The following LMF2 variants were observed in gnomAD, a reference collection of about 807,000 sequenced individuals.
LMF2 encodes transmembrane protein 112B.
A neutral mutation model predicts 81.5 loss-of-function variants in LMF2; 113 were observed. The observed-to-expected ratio is 1.39, with a 90% CI of 1.19 to 1.62. The LOEUF is 1.62. LMF2 is among the 40% of genes most tolerant of loss of function. The pLI is 0.00. For synonymous variants in LMF2, 645 were observed against 424.5 expected (o/e 1.52, Z -6.39); for missense variants, 1,235 against 929.1 (o/e 1.33, Z -4.28).
intron 9 of LMF2, 35 bp from the exon 10 acceptor site, chr22:50,505,019 G>A (rs916888435): frequency 1.2e-6 from 2 of 1,612,094 alleles, no homozygotes; most frequent in Non-Finnish European, 1.7e-6. Flanking sequence ...GGGCTGCCCT[G>A]CCCCCAGCCC....
chr22:50,503,916 C>G lies in LMF2; in HGVS notation c.1719-12G>C. 1 of 1,603,362 alleles carries G rather than the reference C, an allele frequency of 6.2e-7. No individual in the cohort carries two copies. The highest frequency in any genetic ancestry group is 8.5e-7 in the Non-Finnish European group (1 of 1,178,930). ...GCCGCCACCACTGGCTGCAGCAGGA[C>G]CCGATGTTCAGAAGCTGGAGGCACC... On this transcript the variant is annotated splice_polypyrimidine_tract_variant and intron_variant, in intron 12 of 13. Coordinates refer to ENST00000474879, the MANE Select transcript of LMF2 (RefSeq NM_033200.3).
chr22:50,505,509 C>A lies in LMF2; in HGVS notation c.945G>T (p.Leu315=). 5.6e-6 allele frequency: 9 copies of A among 1,612,680 alleles called. No homozygotes were observed. The highest frequency in any genetic ancestry group is 6.8e-6 in the Non-Finnish European group (8 of 1,180,012). ...TSWPKALLAT[L]SLLLELAVYG... is the part of the protein sequence containing the mutation. ...AGACGGCTAGTTCCAGCAGCAGCGA[C>A]AGGGTGGCCAGCAGGGCCTTGGGCC... The change falls in exon 7 of 14, where the codon CTG becomes CTT. Residue 315 remains leucine (L), a synonymous_variant. Coordinates refer to ENST00000474879, the MANE Select transcript of LMF2 (RefSeq NM_033200.3).
intron 5 of LMF2, 60 bp from the exon 6 acceptor site, chr22:50,505,875 C>T: frequency 1.2e-6 from 2 of 1,601,142 alleles, no homozygotes; most frequent in Non-Finnish European, 1.7e-6. Context: ...TGGCAGGCAC[C>T]CACCTCCACC....
At chr22:50,503,764 G>A (rs572897380) in intron 13 of LMF2, 44 bp downstream of exon 13, 2 of 1,593,914 alleles carry the variant, frequency 1.3e-6, no homozygotes, top group South Asian at 1.1e-5. Flanking sequence ...GGGAGGCTGG[G>A]GTCACCCCTG....
At position 50,503,275 on chromosome 22, in the gene LMF2, C is replaced by G; in HGVS notation, c.*116G>C. ...GCAAACCCCAGGGGCAGCCCCCCAA[C>G]CTGTGCCTGGCCCTGCAGGGTCAGC... is the stretch of plus-strand genomic sequence containing the variant. On this transcript the variant is annotated 3_prime_UTR_variant, in exon 14 of 14. Transcript: ENST00000474879. 8.7e-7 allele frequency: 1 copy of G among 1,146,602 alleles called. No individual in the cohort carries two copies. The highest frequency in any genetic ancestry group is 1.2e-6 in the Non-Finnish European group (1 of 815,514). The allele number at this position is 1,146,602 out of a possible 1,614,324, so 71.0% of individuals were successfully genotyped here.
rs2068471350 is a variant in LMF2 at position 50,503,818 on chromosome 22, A to G, written c.1805T>C (p.Phe602Ser). The change falls in exon 13 of 14, where the codon TTT becomes TCT. Residue 602 changes from phenylalanine (F) to serine (S), a missense_variant. Transcript: ENST00000474879. ...CTGACACCCCCTTACCTGTAGTCCA[A>G]ACTGCCTGAGCAGCGTCTCCAGCGT... ...DPTLETLLRQ[F>S]GLQEKSPPRT... The G allele has an allele frequency of 1.2e-6, 2 of 1,605,326 alleles. No individual in the cohort carries two copies. Among genetic ancestry groups the G allele is most frequent in the Non-Finnish European group, 1.7e-6 (2 of 1,179,304 alleles).
At chr22:50,503,747 T>C in intron 13 of LMF2, 48 bp from the exon 14 acceptor site, 1 of 1,591,918 alleles carries the variant, frequency 6.3e-7, no homozygotes, top group Non-Finnish European at 8.5e-7. Context: ...CTTACTGGGT[T>C]TACCCCGGGA....
In LMF2 at chr22:50,504,710, G is replaced by A; in HGVS notation, c.1455C>T (p.Tyr485=). ...GHHWTEIEFM[Y]KPGNLSRPPP... ...GCGGCCGGCTCAGGTTCCCAGGCTTGTACATGAACTCGATCTCCTGCCAGG... is the reference window on the plus strand; with the variant it reads ...GCGGCCGGCTCAGGTTCCCAGGCTTATACATGAACTCGATCTCCTGCCAGG... Residue 485 remains tyrosine (Y), a synonymous_variant, in exon 11 of 14, where the codon TAC becomes TAT. Coordinates refer to ENST00000474879, the MANE Select transcript of LMF2 (RefSeq NM_033200.3). 1 of 1,610,066 alleles carries A rather than the reference G, an allele frequency of 6.2e-7. No individual in the cohort carries two copies. Among genetic ancestry groups the A allele is most frequent in the Non-Finnish European group, 8.5e-7 (1 of 1,179,412 alleles).
In LMF2 at chr22:50,504,397, G is replaced by A. The variant is rs1367384384; in HGVS notation, c.1661C>T (p.Pro554Leu). Reference protein sequence around the residue: ...VARYPFHKQPPTYVRAQRYKY... With the variant: ...VARYPFHKQPLTYVRAQRYKY... ...GTAGCGCTGGGCTCGGACGTAGGTG[G>A]GCGGCTGCTTGTGGAAGGGATACCT... Residue 554 changes from proline to leucine, a missense_variant, in exon 12 of 14, where the codon CCC (proline) becomes CTC (leucine). Coordinates refer to ENST00000474879, the MANE Select transcript of LMF2 (RefSeq NM_033200.3). The A allele has an allele frequency of 6.2e-7, 1 of 1,612,322 alleles. No homozygotes were observed. Among genetic ancestry groups the A allele is most frequent in the Non-Finnish European group, 8.5e-7 (1 of 1,179,728 alleles).
Position 50,503,358 on chromosome 22 carries a change from G to C in LMF2, c.*33C>G. 1 of 1,607,356 alleles carries C rather than the reference G, an allele frequency of 6.2e-7. No homozygotes were observed. The highest frequency in any genetic ancestry group is 8.5e-7 in the Non-Finnish European group (1 of 1,177,542). ...AGGCCAGAGCACTCCCGGCGACCTG[G>C]CCCTCTCAGGACGTGCAGCTGGGAG... On this transcript the variant is annotated 3_prime_UTR_variant, in exon 14 of 14. Coordinates refer to ENST00000474879, the MANE Select transcript of LMF2 (RefSeq NM_033200.3).
In LMF2 at chr22:50,505,772, AAGTTGT is replaced by A; in HGVS notation, c.812_817del (p.Tyr271_Asn272del). ...AAGCACCAGCGTCATCAGGTTGAAG[AAGTTGT>A]AGTTGCCGGTGATGATAATCAGGAC... On this transcript the variant is annotated inframe_deletion, in exon 6 of 14. Coordinates refer to ENST00000474879, the MANE Select transcript of LMF2 (RefSeq NM_033200.3). 6.8e-6 allele frequency: 11 copies of A among 1,613,246 alleles called. No homozygotes were observed. The highest frequency in any genetic ancestry group is 9.3e-6 in the Non-Finnish European group (11 of 1,179,934).
chr22:50,505,858 G>A lies in LMF2; in HGVS notation c.775-43C>T, dbSNP rs375208682. The A allele has an allele frequency of 6.8e-6, 11 of 1,607,460 alleles. No individual in the cohort carries two copies. In the African/African-American group the frequency reaches 1.2e-4, roughly 18 times the overall value. On this transcript the variant is annotated intron_variant, in intron 5 of 13. Coordinates refer to ENST00000474879, the MANE Select transcript of LMF2 (RefSeq NM_033200.3). Reference sequence around the variant, plus strand: ...TCAGTGCTCCCGGAGACTGACGCCTGGCCCCGTGGCAGGCACCCACCTCCA... The same window carrying A: ...TCAGTGCTCCCGGAGACTGACGCCTAGCCCCGTGGCAGGCACCCACCTCCA...
chr22:50,506,560 AAGTCCTCCCAGGAAGGGCAG>A, intron 3 of LMF2, 58 bp from the exon 4 acceptor site: 1 of 1,585,198 alleles, frequency 6.3e-7, no homozygotes, highest in South Asian at 1.1e-5. Flanking sequence ...TTCCCTCGGA[AAGTCCTCCCAGGAAGGGCAG>A]AGCCCTCCCC....
chr22:50,505,245 G>A lies in LMF2; in HGVS notation c.1141C>T (p.Leu381=), dbSNP rs2068527108. The A allele has an allele frequency of 6.2e-7, 1 of 1,613,160 alleles. No homozygotes were observed. The highest frequency in any genetic ancestry group is 8.5e-7 in the Non-Finnish European group (1 of 1,180,012). Residue 381 remains leucine (L), a synonymous_variant, in exon 8 of 14, where the codon CTG becomes TTG. Coordinates refer to ENST00000474879, the MANE Select transcript of LMF2 (RefSeq NM_033200.3). ...GCCATGTACCTCCACAGGGCACTCA[G>A]CAGCTCCCAGACCAGGGAGGCCACA... The part of the protein sequence containing the change: ...LGVASLVWEL[L]SALWRWTQVR...
chr22:50,505,635 AC>A, intron 6 of LMF2, 38 bp downstream of exon 6: 3 of 1,610,624 alleles, frequency 1.9e-6, no homozygotes, highest in Non-Finnish European at 2.5e-6. Flanking sequence ...GGAGGGGAGA[AC>A]CCCTGGGAGG....
At position 50,506,221 on chromosome 22, in the gene LMF2, C is replaced by T. The variant is rs369143621; in HGVS notation, c.596-8G>A. On this transcript the variant is annotated splice_region_variant and splice_polypyrimidine_tract_variant and intron_variant, in intron 4 of 13. Coordinates refer to ENST00000474879, the MANE Select transcript of LMF2 (RefSeq NM_033200.3). ...CGTAGTGGTAGGTGAGGGCTGCAGG[C>T]GAGGGCAGGAGTCAGGGCTGGCCGA... 5.8e-6 allele frequency: 9 copies of T among 1,551,950 alleles called. No homozygotes were observed. The highest frequency in any genetic ancestry group is 2.4e-5 in the East Asian group (1 of 41,232).
Position 50,506,786 on chromosome 22 carries a change from C to T in LMF2, c.344G>A (p.Cys115Tyr), listed in dbSNP as rs1201977587. ...CTGGTCACAGGTCCCACTTGCCTGG[C>T]AGGCTGACAGGTAGGCGGCCCAAAG... ...LLLWAAYLSA[C>Y]QVGQVFLYFQ... Residue 115 changes from cysteine (C) to tyrosine (Y), a missense_variant, in exon 2 of 14, where the codon TGC becomes TAC. Coordinates refer to ENST00000474879, the MANE Select transcript of LMF2 (RefSeq NM_033200.3). 5 of 1,612,636 alleles carry T rather than the reference C, an allele frequency of 3.1e-6. No individual in the cohort carries two copies. Among genetic ancestry groups the T allele is most frequent in the African/African-American group, 2.7e-5 (2 of 74,884 alleles).
In LMF2 at chr22:50,504,863, G is replaced by A. The variant is rs1300946705; in HGVS notation, c.1376C>T (p.Thr459Ile). The change falls in exon 10 of 14, where the codon ACT (threonine) becomes ATT (isoleucine). Residue 459 changes from threonine (T) to isoleucine (I), a missense_variant. Transcript: ENST00000474879. The stretch of plus-strand genomic sequence containing the variant: ...CACCTCAGGCCGTCCACCAAGCCCA[G>A]TCATGCGGCGGAAGAGGCCGTAGGA... ...ANSYGLFRRMTGLGGRPEVVL... is the reference protein window; with the variant it reads ...ANSYGLFRRMIGLGGRPEVVL... 3.1e-6 allele frequency: 5 copies of A among 1,611,220 alleles called. No homozygotes were observed. Among genetic ancestry groups the A allele is most frequent in the Non-Finnish European group, 4.2e-6 (5 of 1,179,098 alleles).
chr22:50,505,562 C>T (rs1193976189), intron 6 of LMF2, 25 bp from the exon 7 acceptor site: 2 of 1,612,034 alleles, frequency 1.2e-6, no homozygotes, highest in Non-Finnish European at 1.7e-6. Context: ...AGTCATGGGT[C>T]AGCAGAGGGT....
Sources: allele counts gnomAD v4.1 joint callset, GRCh38; gene constraint gnomAD v4.1.1; transcripts MANE v1.5; gene names NCBI Gene and HGNC (gene_info 2026-07-23, HGNC 2026-07-21).